CMPK1: variants seen among roughly 807,000 people sequenced by gnomAD.
The protein encoded by CMPK1 is cytidine/uridine monophosphate kinase 1.
A neutral mutation model predicts 25.7 loss-of-function variants in CMPK1; 10 were observed. The observed-to-expected ratio is 0.39, with a 90% CI of 0.24 to 0.66. CMPK1 has a LOEUF of 0.66. Among genes scored for constraint, CMPK1 ranks in the 30% least tolerant of loss-of-function variants. The pLI is 0.48. For missense variants in CMPK1, 199 were observed against 280.5 expected, an observed-to-expected ratio of 0.71 and a Z score of 2.08; for synonymous variants, 106 against 101.5, an observed-to-expected ratio of 1.04 and a Z score of -0.27.
chr1:47,374,882 T>G, intron 3 of CMPK1, 27 bp from the exon 4 acceptor site: 1 of 1,552,906 alleles, frequency 6.4e-7, no homozygotes, highest in South Asian at 1.1e-5. Flanking sequence ...ATATCTATAT[T>G]TTTAATAACT....
chr1:47,338,796 T>A (rs1344988361), intron 1 of CMPK1, among the ~76,000 whole-genome samples: 8 of 152,048 alleles, frequency 5.3e-5, no homozygotes, highest in African/African-American at 1.7e-4. Flanking sequence ...AGTTATAAAA[T>A]CATGATGGGA....
At chr1:47,374,061 T>TTTATG (rs1476596286) in intron 3 of CMPK1, among the ~76,000 whole-genome samples, 1 of 152,050 alleles carries the variant, frequency 6.6e-6, no homozygotes, top group Non-Finnish European at 1.5e-5. Flanking sequence ...TTTGTGTTGT[T>TTTATG]TTATTTTATT....
intron 1 of CMPK1, among the ~76,000 whole-genome samples, chr1:47,343,953 A>T (rs1274042313): frequency 6.6e-6 from 1 of 151,850 alleles, no homozygotes; most frequent in Non-Finnish European, 1.5e-5. Flanking sequence ...CTGTGGTCCC[A>T]GTTACTTGAG....
chr1:47,341,639 A>ATTAT (rs1407873615), intron 1 of CMPK1, among the ~76,000 whole-genome samples: 2 of 151,630 alleles, frequency 1.3e-5, no homozygotes, highest in African/African-American at 4.8e-5. Flanking sequence ...TTTATTTTTT[A>ATTAT]TTATTTATTT....
chr1:47,353,165 T>C (rs1160467818), intron 1 of CMPK1, among the ~76,000 whole-genome samples: 2 of 152,248 alleles, frequency 1.3e-5, no homozygotes, highest in Non-Finnish European at 2.9e-5. Context: ...TTATATTGTC[T>C]ATGCCATAGA....
At chr1:47,368,742 T>TTG (rs1646656841) in intron 2 of CMPK1, 127 bp downstream of exon 2, 15 of 853,952 alleles carry the variant, frequency 1.8e-5, no homozygotes, top group Non-Finnish European at 2.5e-5. Flanking sequence ...AGAGGATCAC[T>TTG]TGAGGCCAGG....
intron 1 of CMPK1, among the ~76,000 whole-genome samples, chr1:47,335,291 GAA>G (rs1646388389): frequency 6.6e-6 from 1 of 152,144 alleles, no homozygotes; most frequent in African/African-American, 2.4e-5. Context: ...AGCATCCAGA[GAA>G]AGTTAGATGA....
chr1:47,376,457 A>T (rs985564994), intron 5 of CMPK1, among the ~76,000 whole-genome samples: 1 of 152,112 alleles, frequency 6.6e-6, no homozygotes, highest in African/African-American at 2.4e-5. Flanking sequence ...CTGGGATTAC[A>T]GGTGCCCGCC....
At chr1:47,334,728 G>C (rs1570343990) in intron 1 of CMPK1, among the ~76,000 whole-genome samples, 1 of 152,196 alleles carries the variant, frequency 6.6e-6, no homozygotes, top group Non-Finnish European at 1.5e-5. Flanking sequence ...CCTGAGGCTC[G>C]GCCCGGGTCG....
intron 1 of CMPK1, among the ~76,000 whole-genome samples, chr1:47,354,401 G>A (rs1356520327): frequency 6.6e-6 from 1 of 152,050 alleles, no homozygotes. Flanking sequence ...ATATGTATAT[G>A]TGTATATTGT....
intron 1 of CMPK1, among the ~76,000 whole-genome samples, chr1:47,346,047 T>TTTTTG (rs1192440616): frequency 6.6e-6 from 1 of 150,994 alleles, no homozygotes; most frequent in Non-Finnish European, 1.5e-5. Flanking sequence ...CCTGGCCTTT[T>TTTTTG]TTTTGTTTTG....
chr1:47,361,641 C>T (rs187925149), intron 1 of CMPK1, among the ~76,000 whole-genome samples: 27 of 148,552 alleles, frequency 1.8e-4, no homozygotes, highest in Admixed American at 1.6e-3. Flanking sequence ...TTCTTGTAGC[C>T]GTAGGAATTT....
chr1:47,345,660 A>G (rs1286860068), intron 1 of CMPK1, among the ~76,000 whole-genome samples: 2 of 150,784 alleles, frequency 1.3e-5, no homozygotes, highest in East Asian at 4.0e-4. Context: ...CGCCCGGCTA[A>G]TTTTTTGTAT....
intron 1 of CMPK1, among the ~76,000 whole-genome samples, chr1:47,358,018 G>A (rs1349919132): frequency 6.8e-6 from 1 of 147,546 alleles, no homozygotes; most frequent in African/African-American, 2.5e-5. Context: ...TTAAGCCACT[G>A]ATTATTTTGG....
intron 1 of CMPK1, among the ~76,000 whole-genome samples, chr1:47,337,666 T>G (rs1180037221): frequency 6.6e-6 from 1 of 151,522 alleles, no homozygotes; most frequent in Non-Finnish European, 1.5e-5. Context: ...CAGGCTGGTG[T>G]GCAGTGGGGC....
chr1:47,370,913 C>T (rs1646673925), intron 2 of CMPK1, among the ~76,000 whole-genome samples: 1 of 151,806 alleles, frequency 6.6e-6, no homozygotes, highest in Non-Finnish European at 1.5e-5. Context: ...GCCAGGATCG[C>T]ACCATTGTAC....
intron 1 of CMPK1, among the ~76,000 whole-genome samples, chr1:47,348,912 G>C (rs1646503068): frequency 6.6e-6 from 1 of 152,170 alleles, no homozygotes; most frequent in Non-Finnish European, 1.5e-5. Context: ...TGTTTTGATT[G>C]TATAATTGGG....
intron 2 of CMPK1, among the ~76,000 whole-genome samples, chr1:47,372,163 G>C (rs997905113): frequency 1.3e-5 from 2 of 149,892 alleles, no homozygotes; most frequent in African/African-American, 4.9e-5. Context: ...GCACGATCTC[G>C]GCTTACTGAA....
At chr1:47,374,247 G>A (rs928444216) in intron 3 of CMPK1, among the ~76,000 whole-genome samples, 6 of 152,118 alleles carry the variant, frequency 3.9e-5, no homozygotes, top group Non-Finnish European at 8.8e-5. Context: ...AGTAGAGACG[G>A]GGTTTTGCCA....
Sources: allele counts gnomAD v4.1 joint callset (sites outside exome capture counted in the v4.1 genomes callset), GRCh38; gene constraint gnomAD v4.1.1; transcripts MANE v1.5; gene names NCBI Gene and HGNC (gene_info 2026-07-23, HGNC 2026-07-21).